Variants in ST18 observed in about 807,000 individuals in gnomAD.
ST18 encodes the protein ST18 C2H2C-type zinc finger transcription factor.
Under a neutral mutation model 110.0 loss-of-function variants are expected in ST18, and 50 were observed. That is an observed-to-expected ratio of 0.45 (90% CI 0.36 to 0.58). ST18 has a LOEUF of 0.58. ST18 is among the 20% of genes least tolerant of loss of function. The pLI is 0.00. For missense variants in ST18, 1,306 were observed against 1,280.1 expected (o/e 1.02, Z -0.31); for synonymous variants, 461 against 452.4 (o/e 1.02, Z -0.24).
chr8:52,135,160 T>C (rs2051493116), intron 19 of ST18, among the ~76,000 whole-genome samples: 1 of 152,182 alleles, frequency 6.6e-6, no homozygotes, highest in African/African-American at 2.4e-5. Context: ...CTTTTCACTC[T>C]GTTAATTATT....
intron 2 of ST18, among the ~76,000 whole-genome samples, chr8:52,243,700 C>T (rs571674678): frequency 2.0e-5 from 3 of 152,288 alleles, no homozygotes; most frequent in South Asian, 2.1e-4. Context: ...GTAAGCACTT[C>T]GCAAATGTTA....
intron 2 of ST18, among the ~76,000 whole-genome samples, chr8:52,310,604 A>G (rs886168807): frequency 6.7e-6 from 1 of 148,616 alleles, no homozygotes; most frequent in African/African-American, 2.5e-5. Flanking sequence ...GGGAATTTTT[A>G]AAAGTCTACT....
intron 8 of ST18, among the ~76,000 whole-genome samples, chr8:52,193,315 T>C (rs867304150): frequency 6.6e-6 from 1 of 152,330 alleles, no homozygotes; most frequent in Middle Eastern, 3.4e-3. Flanking sequence ...ACATCTTCCC[T>C]ACTGGCTGAA....
At chr8:52,386,405 T>A (rs1836785592) in intron 2 of ST18, among the ~76,000 whole-genome samples, 1 of 152,076 alleles carries the variant, frequency 6.6e-6, no homozygotes, top group African/African-American at 2.4e-5. Context: ...TTCTATGTTT[T>A]TTCTACTTTC....
intron 2 of ST18, among the ~76,000 whole-genome samples, chr8:52,367,236 TCACACACACA>T (rs748933981): frequency 8.3e-6 from 1 of 120,190 alleles, no homozygotes; most frequent in African/African-American, 3.1e-5. Context: ...GGACCCTGTC[TCACACACACA>T]CACACACACA....
At chr8:52,250,180 G>A (rs931351153) in intron 2 of ST18, among the ~76,000 whole-genome samples, 1 of 152,016 alleles carries the variant, frequency 6.6e-6, no homozygotes, top group Non-Finnish European at 1.5e-5. Context: ...AGCAGAGGCT[G>A]TTCAGCTTGG....
chr8:52,274,087 A>G (rs992106190), intron 2 of ST18, among the ~76,000 whole-genome samples: 8 of 152,176 alleles, frequency 5.3e-5, no homozygotes, highest in Non-Finnish European at 4.4e-5. Context: ...CTTAAACCAG[A>G]TAACCTGGCA....
chr8:52,256,608 A>G (rs979743790), intron 2 of ST18, among the ~76,000 whole-genome samples: 4 of 152,338 alleles, frequency 2.6e-5, no homozygotes, highest in African/African-American at 9.6e-5. Context: ...CTGAGCTATC[A>G]GCAATAGCAT....
chr8:52,285,550 G>C (rs933355901), intron 2 of ST18, among the ~76,000 whole-genome samples: 3 of 152,128 alleles, frequency 2.0e-5, no homozygotes, highest in Middle Eastern at 3.2e-3. Flanking sequence ...GAGAGCAAAA[G>C]GTGCTTCTAA....
chr8:52,332,225 T>G (rs576504070), intron 2 of ST18, among the ~76,000 whole-genome samples: 13 of 152,206 alleles, frequency 8.5e-5, no homozygotes, highest in African/African-American at 2.6e-4. Flanking sequence ...ATAAATAATA[T>G]TTGTAATGGG....
At chr8:52,205,815 G>A (rs1267734162) in intron 8 of ST18, among the ~76,000 whole-genome samples, 2 of 152,142 alleles carry the variant, frequency 1.3e-5, no homozygotes, top group Non-Finnish European at 2.9e-5. Context: ...CGTTCCACCT[G>A]CCTTAGCCTC....
intron 2 of ST18, among the ~76,000 whole-genome samples, chr8:52,373,694 A>G (rs757540293): frequency 1.3e-5 from 2 of 152,058 alleles, no homozygotes; most frequent in Non-Finnish European, 2.9e-5. Flanking sequence ...TTTTCCTAAC[A>G]TAAGTTTCAG....
chr8:52,265,931 A>T (rs1231793905), intron 2 of ST18, among the ~76,000 whole-genome samples: 2 of 152,192 alleles, frequency 1.3e-5, no homozygotes, highest in African/African-American at 4.8e-5. Context: ...ACAAGCTCAT[A>T]TTTAGGGACA....
chr8:52,228,676 G>A (rs1431711766), intron 3 of ST18, among the ~76,000 whole-genome samples: 1 of 152,028 alleles, frequency 6.6e-6, no homozygotes, highest in Non-Finnish European at 1.5e-5. Flanking sequence ...CATGCCTGTG[G>A]GGAAGTATTA....
intron 2 of ST18, among the ~76,000 whole-genome samples, chr8:52,282,840 G>C (rs1473176075): frequency 6.6e-6 from 1 of 152,062 alleles, no homozygotes; most frequent in Non-Finnish European, 1.5e-5. Flanking sequence ...CTTCGGGAGC[G>C]GGGAGGAAGA....
At position 52,339,155 on chromosome 8, in the gene ST18, G is replaced by C. The variant is rs1459753716; in HGVS notation, c.-465+70173C>G. Among the ~76,000 whole-genome samples, 5 of 152,216 alleles carry C rather than the reference G, an allele frequency of 3.3e-5. No individual in the cohort carries two copies. The East Asian group carries it at 9.7e-4, about 30-fold the overall frequency. Reference sequence around the variant, plus strand: ...TCCAAGCCCATCCAGGCTGTGGCAGGGTTCACTCCTGTAGCTGTAGGACTG... The same window carrying C: ...TCCAAGCCCATCCAGGCTGTGGCAGCGTTCACTCCTGTAGCTGTAGGACTG... On this transcript the variant is annotated intron_variant, in intron 2 of 25. Coordinates refer to ENST00000689386, the MANE Select transcript of ST18 (RefSeq NM_001352837.2).
At chr8:52,401,136 A>C (rs528442655) in intron 2 of ST18, among the ~76,000 whole-genome samples, 2 of 152,084 alleles carry the variant, frequency 1.3e-5, no homozygotes, top group Non-Finnish European at 2.9e-5. Context: ...AGCACTTTTA[A>C]GTATATTTCT....
chr8:52,357,109 ATATT>A (rs543010655), intron 2 of ST18, among the ~76,000 whole-genome samples: 145 of 152,266 alleles, frequency 9.5e-4, no homozygotes, highest in African/African-American at 3.4e-3. Flanking sequence ...GTAGGTGTAT[ATATT>A]TATGGGGCAC....
intron 16 of ST18, among the ~76,000 whole-genome samples, chr8:52,148,783 T>C (rs2058064185): frequency 6.6e-6 from 1 of 152,086 alleles, no homozygotes; most frequent in African/African-American, 2.4e-5. Flanking sequence ...ATCAAAACTG[T>C]GTACGTTGAC....
Sources: allele counts gnomAD v4.1 joint callset (sites outside exome capture counted in the v4.1 genomes callset), GRCh38; gene constraint gnomAD v4.1.1; transcripts MANE v1.5; gene names NCBI Gene and HGNC (gene_info 2026-07-23, HGNC 2026-07-21).